PRDM5: variants seen among roughly 807,000 people sequenced by gnomAD.
PRDM5 encodes PR/SET domain 5.
PRDM5 carries 56 observed loss-of-function variants against 81.2 expected under a neutral mutation model. The ratio of observed to expected loss-of-function variants is 0.69; its 90% CI spans 0.56 to 0.86. PRDM5 has a LOEUF of 0.86. Among genes scored for constraint, PRDM5 ranks in the 40% least tolerant of loss-of-function variants. The pLI is 0.00. For missense variants in PRDM5, 697 were observed against 770.1 expected, an observed-to-expected ratio of 0.91 and a Z score of 1.12; for synonymous variants, 267 against 256.4, an observed-to-expected ratio of 1.04 and a Z score of -0.39.
rs1158614200 is a variant in PRDM5 at position 120,693,485 on chromosome 4, AG to A, written c.*1625del. ...TTTATAAAATACAGTCTATAATTTC[AG>A]ATTCAAAATACTACATATAACTATA... is the stretch of plus-strand genomic sequence containing the variant. On this transcript the variant is annotated 3_prime_UTR_variant, in exon 16 of 16. Coordinates refer to ENST00000264808, the MANE Select transcript of PRDM5 (RefSeq NM_018699.4). The A allele has an allele frequency of 2.6e-5, 4 of 152,150 alleles. No homozygotes were observed. Among genetic ancestry groups the A allele is most frequent in the Non-Finnish European group, 5.9e-5 (4 of 68,008 alleles). 9.4% of individuals were successfully genotyped at this position (152,150 alleles called of 1,614,324 possible).
intron 13 of PRDM5, among the ~76,000 whole-genome samples, chr4:120,775,391 C>T (rs1420316039): frequency 6.6e-6 from 1 of 152,082 alleles, no homozygotes; most frequent in African/African-American, 2.4e-5. Flanking sequence ...CTTTATTCTT[C>T]TCCACTGCCT....
intron 14 of PRDM5, among the ~76,000 whole-genome samples, chr4:120,738,662 G>C: frequency 6.6e-6 from 1 of 152,212 alleles, no homozygotes; most frequent in Middle Eastern, 3.4e-3. Context: ...ATTGGTAAAT[G>C]GTGATATTGA....
At chr4:120,722,405 T>C (rs1333988692) in intron 14 of PRDM5, among the ~76,000 whole-genome samples, 1 of 151,992 alleles carries the variant, frequency 6.6e-6, no homozygotes. Context: ...ATATCACTGC[T>C]AGCAGAACCC....
chr4:120,740,490 C>G (rs561245541), intron 14 of PRDM5, among the ~76,000 whole-genome samples: 3 of 152,310 alleles, frequency 2.0e-5, no homozygotes, highest in African/African-American at 7.2e-5. Flanking sequence ...CTTCCTGTCT[C>G]TATGTGGAAA....
In PRDM5 at chr4:120,907,551, T is replaced by C. The variant is rs1277952182; in HGVS notation, c.100A>G (p.Lys34Glu). Residue 34 changes from lysine to glutamate, a missense_variant, in exon 2 of 16, where the codon AAG (lysine) becomes GAG (glutamate). Lys to Glu is a moderately conservative substitution (Grantham distance 56). Around this residue, in one of 3 missense-constraint regions of PRDM5, gnomAD observed 577 missense variants for 606.7 expected, o/e 0.95. Transcript: ENST00000264808. The part of the protein sequence containing the change: ...YTARRVRKGE[K>E]FGPFAGEKRM... Reference sequence around the variant, plus strand: ...TTCTCTCCAGCAAAGGGTCCGAACTTTTCACCCTGAGTAGCAATGATTATA... The same window carrying C: ...TTCTCTCCAGCAAAGGGTCCGAACTCTTCACCCTGAGTAGCAATGATTATA... 1 of 1,608,832 alleles carries C rather than the reference T, an allele frequency of 6.2e-7. No homozygotes were observed. Among genetic ancestry groups the C allele is most frequent in the Admixed American group, 1.7e-5 (1 of 59,978 alleles).
At chr4:120,893,762 A>T (rs963971544) in intron 2 of PRDM5, among the ~76,000 whole-genome samples, 2 of 152,352 alleles carry the variant, frequency 1.3e-5, no homozygotes, top group Admixed American at 1.3e-4. Flanking sequence ...CATTCGGAAC[A>T]TATCTATTTT....
At chr4:120,691,306 T>C (rs1372788889), downstream of PRDM5, among the ~76,000 whole-genome samples, 1 of 151,968 alleles carries the variant, frequency 6.6e-6, no homozygotes, top group Non-Finnish European at 1.5e-5. Context: ...ATGTGTAGAG[T>C]GATAATACAG....
intron 1 of PRDM5, among the ~76,000 whole-genome samples, chr4:120,916,687 G>A (rs777910774): frequency 1.3e-5 from 2 of 152,098 alleles, no homozygotes; most frequent in African/African-American, 4.8e-5. Flanking sequence ...AACTGAACCC[G>A]TGATCTGCCC....
intron 2 of PRDM5, among the ~76,000 whole-genome samples, chr4:120,861,465 C>T (rs567675961): frequency 3.9e-5 from 6 of 151,932 alleles, no homozygotes; most frequent in Admixed American, 6.6e-5. Flanking sequence ...TGGCAATATC[C>T]CAGATCCAGA....
In PRDM5 at chr4:120,712,553, C is replaced by G. The variant is rs577833228; in HGVS notation, c.1624-2140G>C. Among the ~76,000 whole-genome samples, 57 of 152,256 alleles carry G rather than the reference C, an allele frequency of 3.7e-4. 1 individual carries two copies. The highest frequency in any genetic ancestry group is 1.3e-3 in the African/African-American group (56 of 41,560). On this transcript the variant is annotated intron_variant, in intron 14 of 15. Coordinates refer to ENST00000264808, the MANE Select transcript of PRDM5 (RefSeq NM_018699.4). The stretch of plus-strand genomic sequence containing the variant: ...CCCATCTCCTCAGGGATGACAGCTC[C>G]CTCAGATATGTTAAGTACCATTCCC...
intron 1 of PRDM5, among the ~76,000 whole-genome samples, chr4:120,913,781 A>T (rs1416100209): frequency 6.6e-6 from 1 of 152,190 alleles, no homozygotes; most frequent in African/African-American, 2.4e-5. Flanking sequence ...ACCAGGGACA[A>T]GGACTGAAAA....
rs1748963025 is a variant in PRDM5 at position 120,781,060 on chromosome 4, T to C, written c.1443+83A>G. ...GTAAATATTTTGATAGATTAATATA[T>C]AATTATCACATGTTAGTTAACATAT... On this transcript the variant is annotated intron_variant, in intron 12 of 15. Transcript: ENST00000264808. 4 of 1,172,168 alleles carry C rather than the reference T, an allele frequency of 3.4e-6. No homozygotes were observed. The South Asian group carries it at 5.4e-5, about 16-fold the overall frequency. 72.6% of individuals were successfully genotyped at this position (1,172,168 alleles called of 1,614,324 possible). A position where few individuals can be genotyped will look rare whatever the true frequency, so the allele number is the denominator to read the frequency against.
chr4:120,742,865 A>T (rs1742294763), intron 14 of PRDM5, among the ~76,000 whole-genome samples: 1 of 152,176 alleles, frequency 6.6e-6, no homozygotes, highest in South Asian at 2.1e-4. Context: ...GCAGGATATT[A>T]TCCAGGAGAA....
intron 3 of PRDM5, among the ~76,000 whole-genome samples, chr4:120,835,555 T>G (rs1008518423): frequency 3.3e-5 from 5 of 152,106 alleles, no homozygotes; most frequent in Admixed American, 1.3e-4. Context: ...CTTACAAGAT[T>G]TGATGGTTTG....
chr4:120,741,666 G>A (rs537254715), intron 14 of PRDM5, among the ~76,000 whole-genome samples: 20 of 152,178 alleles, frequency 1.3e-4, no homozygotes, highest in Middle Eastern at 6.8e-3. Flanking sequence ...AAGGGGTGAC[G>A]GACAGCACCT....
rs1366049904 is a variant in PRDM5, at chr4:120,713,918, T to C, written c.1624-3505A>G. ...GGGTTGTGAATTCCCTGTCCTCACA[T>C]GGTGGAAGGAAAGTACTCTGGTCTC... On this transcript the variant is annotated intron_variant, in intron 14 of 15. Transcript: ENST00000264808. Among the ~76,000 whole-genome samples, 4 of 152,104 alleles carry C rather than the reference T, an allele frequency of 2.6e-5. No homozygotes were observed. In the South Asian group the frequency reaches 6.2e-4, roughly 24 times the overall value.
At chr4:120,882,336 C>G (rs1415093554) in intron 2 of PRDM5, among the ~76,000 whole-genome samples, 1 of 152,098 alleles carries the variant, frequency 6.6e-6, no homozygotes, top group Non-Finnish European at 1.5e-5. Context: ...TCAGTAGAGA[C>G]GGGGTTTCAC....
Position 120,798,242 on chromosome 4 carries a change from T to A in PRDM5, c.1188+25A>T, listed in dbSNP as rs1751606563. The A allele has an allele frequency of 4.1e-6, 6 of 1,450,134 alleles. No individual in the cohort carries two copies. The South Asian group carries it at 4.2e-5, about 10-fold the overall frequency. The allele number at this position is 1,450,134 out of a possible 1,614,324, so 89.8% of individuals were successfully genotyped here. On this transcript the variant is annotated intron_variant, in intron 10 of 15. Transcript: ENST00000264808. ...ATCACAGCAGCAAATTCATAAAAAA[T>A]AATAATAATATTAATAAGTTTTACC...
intron 14 of PRDM5, among the ~76,000 whole-genome samples, chr4:120,715,831 C>G (rs1737655306): frequency 6.6e-6 from 1 of 152,214 alleles, no homozygotes; most frequent in South Asian, 2.1e-4. Flanking sequence ...ACAGAACTGT[C>G]AAAATGCCAC....
Sources: allele counts gnomAD v4.1 joint callset (sites outside exome capture counted in the v4.1 genomes callset), GRCh38; gene constraint gnomAD v4.1.1; regional missense constraint gnomAD v4.1.1; transcripts MANE v1.5; gene names NCBI Gene and HGNC (gene_info 2026-07-23, HGNC 2026-07-21).